The following SIK2 variants were observed in gnomAD, a reference collection of about 807,000 sequenced individuals.
SIK2 encodes salt inducible kinase 2.
In SIK2, 29 loss-of-function variants were observed where a neutral mutation model predicts 103.2. The ratio of observed to expected loss-of-function variants is 0.28; its 90% CI spans 0.21 to 0.38. The LOEUF is 0.38. Ranked by LOEUF, SIK2 falls within the 10% of genes least tolerant of loss-of-function variation. The pLI is 1.00. For missense variants in SIK2, 879 were observed against 1,171.0 expected (o/e 0.75, Z 3.64); for synonymous variants, 412 against 446.1 (o/e 0.92, Z 0.96).
chr11:111,624,509 T>C (rs1003920364), intron 3 of SIK2, among the ~76,000 whole-genome samples: 8 of 152,236 alleles, frequency 5.3e-5, no homozygotes, highest in Non-Finnish European at 1.0e-4. Flanking sequence ...CTTTATTCAT[T>C]TTATTTTTCT....
intron 11 of SIK2, 44 bp from the exon 12 acceptor site, chr11:111,720,855 C>G: frequency 6.2e-7 from 1 of 1,601,606 alleles, no homozygotes; most frequent in Non-Finnish European, 8.5e-7. Flanking sequence ...ACTGAAAGGC[C>G]TTGTATTTTA....
In SIK2 at chr11:111,666,948, TTTATTTA is replaced by T. The variant is rs1259004106; in HGVS notation, c.317-21050_317-21044del. Among the ~76,000 whole-genome samples, 18 of 9,258 alleles carry T rather than the reference TTTATTTA, an allele frequency of 1.9e-3. No individual in the cohort carries two copies. The Admixed American group carries it at 0.07, about 36-fold the overall frequency. 6.1% of individuals were successfully genotyped at this position (9,258 alleles called of 152,430 possible). A position where few individuals can be genotyped will look rare whatever the true frequency, so the allele number is the denominator to read the frequency against. ...TCATTATCTTTTTTATTTTATTTTA[TTTATTTA>T]TTTATTTATTTATTTATTTATTTAT... On this transcript the variant is annotated intron_variant, in intron 3 of 14. Transcript: ENST00000304987.
At chr11:111,658,370 G>A (rs1045713182) in intron 3 of SIK2, among the ~76,000 whole-genome samples, 21 of 151,992 alleles carry the variant, frequency 1.4e-4, no homozygotes, top group Admixed American at 2.0e-4. Context: ...TGATCCACCC[G>A]TCTTGGCCTC....
chr11:111,714,217 T>C (rs1217547057), intron 9 of SIK2, among the ~76,000 whole-genome samples: 1 of 152,070 alleles, frequency 6.6e-6, no homozygotes, highest in Non-Finnish European at 1.5e-5. Context: ...AGGGTTCAGA[T>C]GGTCTGAGGA....
intron 3 of SIK2, among the ~76,000 whole-genome samples, chr11:111,670,091 G>A (rs1005147533): frequency 6.6e-6 from 1 of 151,996 alleles, no homozygotes; most frequent in South Asian, 2.1e-4. Context: ...CTGTACATTG[G>A]ATTATTGTAA....
intron 3 of SIK2, among the ~76,000 whole-genome samples, chr11:111,641,101 G>A (rs1942177179): frequency 6.6e-6 from 1 of 152,070 alleles, no homozygotes; most frequent in Non-Finnish European, 1.5e-5. Context: ...CTCTTAGCAT[G>A]CATTCTCTTT....
At chr11:111,637,456 CTTTTTTTTTTT>C (rs558690499) in intron 3 of SIK2, among the ~76,000 whole-genome samples, 2 of 124,710 alleles carry the variant, frequency 1.6e-5, no homozygotes, top group African/African-American at 6.3e-5. Flanking sequence ...TTTGTAATAT[CTTTTTTTTTTT>C]TTTTTTTTTT....
chr11:111,665,998 C>T (rs1196866074), intron 3 of SIK2, among the ~76,000 whole-genome samples: 1 of 152,174 alleles, frequency 6.6e-6, no homozygotes, highest in Non-Finnish European at 1.5e-5. Context: ...AGGCAGTAGA[C>T]GCTTTACAAT....
At chr11:111,654,008 T>G (rs971996213) in intron 3 of SIK2, among the ~76,000 whole-genome samples, 1 of 152,234 alleles carries the variant, frequency 6.6e-6, no homozygotes, top group Non-Finnish European at 1.5e-5. Flanking sequence ...TGGTTTCCAT[T>G]GTTAAGAATT....
At chr11:111,635,792 C>T (rs1349209286) in intron 3 of SIK2, among the ~76,000 whole-genome samples, 2 of 152,158 alleles carry the variant, frequency 1.3e-5, no homozygotes, top group Non-Finnish European at 2.9e-5. Context: ...GGCAGCCTGC[C>T]GTTAGTTATG....
At chr11:111,677,586 A>ATT (rs11384906) in intron 3 of SIK2, among the ~76,000 whole-genome samples, 6,022 of 109,760 alleles carry the variant, frequency 0.055, 78 homozygotes, top group East Asian at 0.12. Context: ...CCCAGCTAAA[A>ATT]TTTTTTTTTT....
intron 3 of SIK2, among the ~76,000 whole-genome samples, chr11:111,681,004 A>C (rs1176240269): frequency 6.6e-6 from 1 of 152,204 alleles, no homozygotes; most frequent in East Asian, 1.9e-4. Flanking sequence ...GTGACTTAGA[A>C]GGTGGTAATG....
At chr11:111,678,725 G>A (rs1942738926) in intron 3 of SIK2, among the ~76,000 whole-genome samples, 1 of 152,132 alleles carries the variant, frequency 6.6e-6, no homozygotes, top group South Asian at 2.1e-4. Flanking sequence ...TATGTTGTAA[G>A]TACTAGGCTC....
chr11:111,661,436 G>A lies in SIK2; in HGVS notation c.317-26565G>A, dbSNP rs1001737321. On this transcript the variant is annotated intron_variant, in intron 3 of 14. Transcript: ENST00000304987. The stretch of plus-strand genomic sequence containing the variant: ...GCCCTGATGCCTACTTTTGAAAATG[G>A]TTTTAGATACTTCTATAAGCCAATA... Among the ~76,000 whole-genome samples the A allele has an allele frequency of 5.6e-4, 86 of 152,290 alleles. 2 individuals carry two copies. The highest frequency in any genetic ancestry group is 4.6e-3 in the South Asian group (22 of 4,820).
At position 111,703,316 on chromosome 11, in the gene SIK2, G is replaced by T. The variant is rs200181483; in HGVS notation, c.841G>T (p.Val281Phe). 1 of 1,614,178 alleles carries T rather than the reference G, an allele frequency of 6.2e-7. No individual in the cohort carries two copies. Among genetic ancestry groups the T allele is most frequent in the Non-Finnish European group, 8.5e-7 (1 of 1,180,014 alleles). The part of the protein sequence containing the change: ...MLIEVPVQRP[V>F]LYPQEQENEP... ...CATAGAAGTTCCTGTCCAGAGACCTGTTCTCTATCCACAAGAGCAAGAAAA... is the reference window on the plus strand; with the variant it reads ...CATAGAAGTTCCTGTCCAGAGACCTTTTCTCTATCCACAAGAGCAAGAAAA... The change falls in exon 7 of 15, where the codon GTT becomes TTT. Residue 281 changes from valine to phenylalanine, a missense_variant. Transcript: ENST00000304987.
In SIK2 at chr11:111,712,350, A is replaced by C. The variant is rs767551419; in HGVS notation, c.1241A>C (p.Glu414Ala). Reference protein sequence around the residue: ...SGCQAEAAFMEEECVDTPKVN... With the variant: ...SGCQAEAAFMAEECVDTPKVN... ...TGTCAGGCGGAAGCTGCATTCATGG[A>C]AGAAGAGTGTGTGGACACTCCAAAG... The change falls in exon 9 of 15, where the codon GAA (glutamate) becomes GCA (alanine). Residue 414 changes from glutamate (E) to alanine (A), a missense_variant. Physicochemically the swap from Glu to Ala is moderately radical, Grantham distance 107. Transcript: ENST00000304987. 3.1e-6 allele frequency: 5 copies of C among 1,614,148 alleles called. No individual in the cohort carries two copies. The highest frequency in any genetic ancestry group is 4.2e-6 in the Non-Finnish European group (5 of 1,180,014).
intron 8 of SIK2, among the ~76,000 whole-genome samples, chr11:111,711,743 C>T (rs1943502297): frequency 6.6e-6 from 1 of 152,204 alleles, no homozygotes; most frequent in African/African-American, 2.4e-5. Context: ...GCGGGTAGGG[C>T]AGGCAGAGAC....
At chr11:111,694,084 T>A (rs768612710) in intron 4 of SIK2, among the ~76,000 whole-genome samples, 4 of 152,238 alleles carry the variant, frequency 2.6e-5, no homozygotes, top group Non-Finnish European at 5.9e-5. Context: ...GCTAGTTAAC[T>A]GTTTGTTAAA....
rs1490959159 is a variant in SIK2, at chr11:111,723,867, C to T, written c.2519C>T (p.Ala840Val). 1.2e-6 allele frequency: 2 copies of T among 1,613,736 alleles called. No individual in the cohort carries two copies. Among genetic ancestry groups the T allele is most frequent in the Non-Finnish European group, 1.7e-6 (2 of 1,179,848 alleles). Reference sequence around the variant, plus strand: ...CCACGACAGCCAGGAGCTGCCCCAGCCCCCTTACAGTTCTCCTATCAGACT... The same window carrying T: ...CCACGACAGCCAGGAGCTGCCCCAGTCCCCTTACAGTTCTCCTATCAGACT... Reference protein sequence around the residue: ...PPPRQPGAAPAPLQFSYQTCE... With the variant: ...PPPRQPGAAPVPLQFSYQTCE... Residue 840 changes from alanine (A) to valine (V), a missense_variant, in exon 15 of 15, where the codon GCC becomes GTC. Transcript: ENST00000304987.
Sources: allele counts gnomAD v4.1 joint callset (sites outside exome capture counted in the v4.1 genomes callset), GRCh38; gene constraint gnomAD v4.1.1; transcripts MANE v1.5; gene names NCBI Gene and HGNC (gene_info 2026-07-23, HGNC 2026-07-21).